Variants in TRRAP observed in about 807,000 individuals in gnomAD.
TRRAP encodes transformation/transcription domain-associated protein.
A neutral mutation model predicts 438.8 loss-of-function variants in TRRAP; 41 were observed. That is an observed-to-expected ratio of 0.09 (90% confidence interval 0.07 to 0.12). The LOEUF (loss-of-function observed/expected upper bound fraction) is 0.12. Among genes scored for constraint, TRRAP ranks in the 10% least tolerant of loss-of-function variants. The pLI, the probability that TRRAP is intolerant of heterozygous loss-of-function variation, is 1.00. For missense variants in TRRAP, 3,122 were observed against 5,055.1 expected, an observed-to-expected ratio of 0.62 and a Z score of 11.60; for synonymous variants, 1,994 against 1,962.9, an observed-to-expected ratio of 1.02 and a Z score of -0.42.
In TRRAP at chr7:98,953,437, T is replaced by C. The variant is rs1554418738; in HGVS notation, c.5730+4T>C. The C allele has an allele frequency of 6.2e-7, 1 of 1,607,492 alleles. No individual in the cohort carries two copies. The highest frequency in any genetic ancestry group is 1.1e-5 in the South Asian group (1 of 91,072). On this transcript the variant is annotated splice_donor_region_variant and intron_variant, in intron 40 of 72. Coordinates refer to ENST00000456197, the MANE Select transcript of TRRAP (RefSeq NM_001375524.1). ...ACACAAGAAGATCGTCCTGCAGGTA[T>C]TTTGCAAGCCCCTCCTGTCCGCCGA...
chr7:98,950,162 A>G lies in TRRAP; in HGVS notation c.5234A>G (p.Glu1745Gly). 6.2e-7 allele frequency: 1 copy of G among 1,614,204 alleles called. No homozygotes were observed. The highest frequency in any genetic ancestry group is 1.1e-5 in the South Asian group (1 of 91,086). The change falls in exon 38 of 73, where the codon GAA becomes GGA. Residue 1745 changes from glutamate (E) to glycine (G), a missense_variant. Transcript: ENST00000456197. Reference sequence around the variant, plus strand: ...ACATTCTTAAAAGAGTATATGGAGGAAGAGATTCCCAAAAATTACAGCATC... The same window carrying G: ...ACATTCTTAAAAGAGTATATGGAGGGAGAGATTCCCAAAAATTACAGCATC... The part of the protein sequence containing the change: ...NMTFLKEYME[E>G]EIPKNYSIAQ...
chr7:98,882,765 G>T (rs758133316), intron 3 of TRRAP, among the ~76,000 whole-genome samples: 1 of 151,922 alleles, frequency 6.6e-6, no homozygotes, highest in African/African-American at 2.4e-5. Context: ...GGATTCAAGC[G>T]ATTCTCCTGC....
At chr7:99,007,435 A>T (rs1304132268) in intron 69 of TRRAP, among the ~76,000 whole-genome samples, 1 of 151,754 alleles carries the variant, frequency 6.6e-6, no homozygotes, top group Non-Finnish European at 1.5e-5. Flanking sequence ...TGCCACCTCC[A>T]CCTCCTGGGT....
At chr7:98,964,402 C>G (rs937105410) in intron 47 of TRRAP, among the ~76,000 whole-genome samples, 4 of 152,012 alleles carry the variant, frequency 2.6e-5, no homozygotes, top group Non-Finnish European at 5.9e-5. Context: ...TACTGAAGCA[C>G]AAAAATCAGT....
intron 59 of TRRAP, 69 bp from the exon 60 acceptor site, chr7:98,983,195 T>G (rs1487731624): frequency 7.1e-7 from 1 of 1,405,358 alleles, no homozygotes; most frequent in East Asian, 2.5e-5. Context: ...CCCAATGGAC[T>G]CTGGTGTGTT....
intron 40 of TRRAP, 116 bp from the exon 41 acceptor site, chr7:98,954,982 A>G: frequency 1.9e-6 from 2 of 1,057,434 alleles, no homozygotes; most frequent in Non-Finnish European, 2.7e-6. Context: ...GAAAGTCCTA[A>G]GAAGTTTTTA....
chr7:98,957,992 G>A lies in TRRAP; in HGVS notation c.6243G>A (p.Arg2081=). 1 of 1,614,032 alleles carries A rather than the reference G, an allele frequency of 6.2e-7. No homozygotes were observed. Among genetic ancestry groups the A allele is most frequent in the South Asian group, 1.1e-5 (1 of 91,046 alleles). The change falls in exon 44 of 73, where the codon AGG becomes AGA. Residue 2081 remains arginine, a synonymous_variant. Transcript: ENST00000456197. ...ATGAISAVFG[R]SQSLPGADSL... ...AGGTCCTTTTCCAGGTCTTTGGGAGGAGCCAGTCGCTACCTGGAGCAGACT... is the reference window on the plus strand; with the variant it reads ...AGGTCCTTTTCCAGGTCTTTGGGAGAAGCCAGTCGCTACCTGGAGCAGACT...
At chr7:98,902,297 A>T (rs1796506140) in intron 11 of TRRAP, among the ~76,000 whole-genome samples, 1 of 152,086 alleles carries the variant, frequency 6.6e-6, no homozygotes, top group African/African-American at 2.4e-5. Flanking sequence ...TTTCATGCAT[A>T]GTTGTGTTCT....
chr7:98,978,420 A>C (rs1792767648), intron 57 of TRRAP, 97 bp downstream of exon 57: 2 of 1,137,330 alleles, frequency 1.8e-6, no homozygotes, highest in Non-Finnish European at 2.6e-6. Flanking sequence ...TTTTAAAGAA[A>C]GCTTTGCTAC....
At position 98,910,127 on chromosome 7, in the gene TRRAP, G is replaced by C. The variant is rs1796998997; in HGVS notation, c.1422G>C (p.Gln474His). Reference protein sequence around the residue: ...LSAIFKKCKPQSELGAVEAAL... With the variant: ...LSAIFKKCKPHSELGAVEAAL... ...CCATTTTTAAGAAGTGTAAGCCTCA[G>C]TCAGAACTTGGAGCCGTGGAAGCAG... Residue 474 changes from glutamine (Q) to histidine (H), a missense_variant, in exon 15 of 73, where the codon CAG becomes CAC. Around this residue, in one of 24 missense-constraint regions of TRRAP, gnomAD observed 115 missense variants for 124.6 expected, o/e 0.92. Coordinates refer to ENST00000456197, the MANE Select transcript of TRRAP (RefSeq NM_001375524.1). The C allele has an allele frequency of 6.2e-7, 1 of 1,609,998 alleles. No homozygotes were observed. Among genetic ancestry groups the C allele is most frequent in the Admixed American group, 1.7e-5 (1 of 59,686 alleles).
chr7:98,933,493 C>T (rs2116526109), intron 27 of TRRAP, 91 bp downstream of exon 27: 2 of 1,496,770 alleles, frequency 1.3e-6, no homozygotes, highest in East Asian at 4.8e-5. Flanking sequence ...AGGCAGCATT[C>T]AGAGAAGGCT....
In TRRAP at chr7:98,964,672, C is replaced by T. The variant is rs1792071134; in HGVS notation, c.6873C>T (p.Ser2291=). ...AGTCTGCCTGCAGCAACAACCCCAG[C>T]TACATAGACAGGCTGATCTCCGTCT... ...ILKSACSNNP[S]YIDRLISVFM... The change falls in exon 48 of 73, where the codon AGC becomes AGT. Residue 2291 remains serine (S), a synonymous_variant. Coordinates refer to ENST00000456197, the MANE Select transcript of TRRAP (RefSeq NM_001375524.1). 2 of 1,614,000 alleles carry T rather than the reference C, an allele frequency of 1.2e-6. No homozygotes were observed. The highest frequency in any genetic ancestry group is 1.6e-4 in the Middle Eastern group (1 of 6,084).
chr7:98,881,546 TG>T, intron 2 of TRRAP: 1 of 244,590 alleles, frequency 4.1e-6, no homozygotes, highest in East Asian at 7.4e-5. Context: ...CACTCCAGCC[TG>T]GGTGACAGAG....
chr7:98,973,374 T>A (rs1239605647), intron 53 of TRRAP, among the ~76,000 whole-genome samples: 1 of 152,192 alleles, frequency 6.6e-6, no homozygotes, highest in Non-Finnish European at 1.5e-5. Flanking sequence ...CATCACCACG[T>A]CATCAGGTGC....
At chr7:98,978,519 CT>C (rs1319325125) in intron 57 of TRRAP, among the ~76,000 whole-genome samples, 196 bp downstream of exon 57, 2 of 152,224 alleles carry the variant, frequency 1.3e-5, no homozygotes, top group Non-Finnish European at 2.9e-5. Context: ...AAGCAGTAAA[CT>C]GTCCCTGCAT....
rs541572663 is a variant in TRRAP at position 98,954,590 on chromosome 7, C to G, written c.5731-508C>G. Among the ~76,000 whole-genome samples, 3 of 152,360 alleles carry G rather than the reference C, an allele frequency of 2.0e-5. No individual in the cohort carries two copies. In the South Asian group the frequency reaches 6.2e-4, roughly 32 times the overall value. On this transcript the variant is annotated intron_variant, in intron 40 of 72. Coordinates refer to ENST00000456197, the MANE Select transcript of TRRAP (RefSeq NM_001375524.1). Reference sequence around the variant, plus strand: ...ACCTTCTCTGCTCCTCCCCACTGCCCAGGCACCAGCAGGTTCTGCAGCTTC... The same window carrying G: ...ACCTTCTCTGCTCCTCCCCACTGCCGAGGCACCAGCAGGTTCTGCAGCTTC...
rs1324329890 is a variant in TRRAP, at chr7:98,881,179, C to T, written c.29C>T (p.Thr10Met). 3.1e-6 allele frequency: 5 copies of T among 1,609,954 alleles called. No homozygotes were observed. The highest frequency in any genetic ancestry group is 1.7e-5 in the Admixed American group (1 of 59,378). Residue 10 changes from threonine to methionine, a missense_variant, in exon 2 of 73, where the codon ACG becomes ATG. Thr to Met is a moderately conservative substitution (Grantham distance 81). Around this residue, in one of 24 missense-constraint regions of TRRAP, gnomAD observed 343 missense variants for 564.0 expected, o/e 0.61. Transcript: ENST00000456197. Reference sequence around the variant, plus strand: ...GCGTTTGTTGCAACACAGGGGGCCACGGTGGTTGACCAGACCACTTTGATG... The same window carrying T: ...GCGTTTGTTGCAACACAGGGGGCCATGGTGGTTGACCAGACCACTTTGATG... MAFVATQGA[T>M]VVDQTTLMKK...
At chr7:98,938,361 A>G (rs1278092894) in intron 30 of TRRAP, among the ~76,000 whole-genome samples, 2 of 152,092 alleles carry the variant, frequency 1.3e-5, no homozygotes, top group African/African-American at 2.4e-5. Context: ...AATAAAAACA[A>G]TGCATTCAGA....
chr7:98,938,844 T>C (rs310738), intron 30 of TRRAP, among the ~76,000 whole-genome samples: 2,451 of 152,354 alleles, frequency 0.016, 50 homozygotes, highest in African/African-American at 0.042. Context: ...CATTTTAATC[T>C]TTCAACACCT....
Sources: gnomAD v4.1 joint callset for allele counts (sites outside exome capture counted in the v4.1 genomes callset) on GRCh38, gnomAD v4.1.1 for gene constraint, gnomAD v4.1.1 regional missense constraint, MANE v1.5 for transcripts, NCBI Gene and HGNC (gene_info 2026-07-23, HGNC 2026-07-21) for gene names.